The following CCDC91 variants were observed in gnomAD, a reference collection of about 807,000 sequenced individuals.
The protein encoded by CCDC91 is coiled-coil domain-containing protein 91.
In CCDC91, 48 loss-of-function variants were observed where a neutral mutation model predicts 63.2. The observed-to-expected ratio is 0.76, with a 90% confidence interval of 0.60 to 0.97. The LOEUF is 0.97. Among genes scored for constraint, CCDC91 ranks in the 50% least tolerant of loss-of-function variants. The pLI, the probability that CCDC91 is intolerant of heterozygous loss-of-function variation, is 0.00. For missense variants in CCDC91, 500 were observed against 494.6 expected, an observed-to-expected ratio of 1.01 and a Z score of -0.10; for synonymous variants, 167 against 165.8, an observed-to-expected ratio of 1.01 and a Z score of -0.06.
At chr12:28,241,685 G>A (rs1009498676) in intron 1 of CCDC91, among the ~76,000 whole-genome samples, 1 of 152,068 alleles carries the variant, frequency 6.6e-6, no homozygotes, top group African/African-American at 2.4e-5. Flanking sequence ...GTTACTAGAA[G>A]AGGAATTTCT....
intron 1 of CCDC91, among the ~76,000 whole-genome samples, chr12:28,205,706 G>T (rs1303833308): frequency 2.0e-5 from 3 of 152,164 alleles, no homozygotes; most frequent in Admixed American, 6.5e-5. Context: ...TGTATGAATG[G>T]TTGAAGTCTT....
chr12:28,335,666 C>G (rs1941920258), intron 6 of CCDC91, among the ~76,000 whole-genome samples: 1 of 151,744 alleles, frequency 6.6e-6, no homozygotes, highest in South Asian at 2.1e-4. Context: ...TTTGGCCTCT[C>G]AAAGTACTGG....
chr12:28,388,300 G>A (rs1432872328), intron 7 of CCDC91, among the ~76,000 whole-genome samples: 2 of 152,052 alleles, frequency 1.3e-5, no homozygotes, highest in Admixed American at 6.6e-5. Flanking sequence ...CATCCAAATT[G>A]GTAAAGAGAA....
chr12:28,373,612 A>G (rs966581397), intron 7 of CCDC91, among the ~76,000 whole-genome samples: 1 of 25,842 alleles, frequency 3.9e-5, no homozygotes, highest in African/African-American at 4.5e-5. Flanking sequence ...AAGTTTCTAT[A>G]CATTTTTTTT....
intron 12 of CCDC91, among the ~76,000 whole-genome samples, chr12:28,511,791 T>C (rs943856894): frequency 2.0e-5 from 3 of 151,898 alleles, no homozygotes; most frequent in African/African-American, 7.2e-5. Flanking sequence ...ATGTGGTCCT[T>C]TGCTGTCATT....
chr12:28,217,414 A>G (rs1943635890), intron 1 of CCDC91, among the ~76,000 whole-genome samples: 1 of 152,156 alleles, frequency 6.6e-6, no homozygotes, highest in Non-Finnish European at 1.5e-5. Flanking sequence ...AGCAATTTTG[A>G]ACTGACTGCT....
intron 3 of CCDC91, among the ~76,000 whole-genome samples, chr12:28,292,603 T>C (rs1470478010): frequency 2.6e-5 from 4 of 152,028 alleles, no homozygotes; most frequent in African/African-American, 9.7e-5. Context: ...GCTCTAAGTA[T>C]ATGTTGGTGT....
In CCDC91 at chr12:28,362,435, C is replaced by G. The variant is rs774330880; in HGVS notation, c.577-3C>G. 7.0e-6 allele frequency: 11 copies of G among 1,560,608 alleles called. No homozygotes were observed. The Admixed American group carries it at 2.1e-4, about 30-fold the overall frequency. On this transcript the variant is annotated splice_polypyrimidine_tract_variant and splice_region_variant and intron_variant, in intron 6 of 12. Transcript: ENST00000536442. ...CATGGTTTTAGTTTCTTTTTTCTTT[C>G]AGGAAAAACATAAACAAGAATTGGA...
chr12:28,383,961 G>A (rs992913261), intron 7 of CCDC91, among the ~76,000 whole-genome samples: 1 of 151,972 alleles, frequency 6.6e-6, no homozygotes, highest in African/African-American at 2.4e-5. Context: ...TGAATTATAG[G>A]CAAACAAAGC....
chr12:28,463,438 G>A (rs1950403464), intron 11 of CCDC91, among the ~76,000 whole-genome samples: 1 of 152,182 alleles, frequency 6.6e-6, no homozygotes, highest in African/African-American at 2.4e-5. Flanking sequence ...TATTTTTTAT[G>A]GAAGATGAAC....
chr12:28,512,885 G>A (rs1456104844), intron 12 of CCDC91, among the ~76,000 whole-genome samples: 1 of 151,920 alleles, frequency 6.6e-6, no homozygotes, highest in Non-Finnish European at 1.5e-5. Flanking sequence ...GAACTGATTA[G>A]TTAAGTATGT....
At chr12:28,523,595 G>A (rs1004335765) in intron 12 of CCDC91, among the ~76,000 whole-genome samples, 3 of 152,092 alleles carry the variant, frequency 2.0e-5, no homozygotes, top group Non-Finnish European at 4.4e-5. Flanking sequence ...ATATTGTTAT[G>A]TGTGAATTTC....
intron 7 of CCDC91, among the ~76,000 whole-genome samples, chr12:28,366,057 T>C (rs1156576719): frequency 6.6e-6 from 1 of 151,824 alleles, no homozygotes; most frequent in African/African-American, 2.4e-5. Flanking sequence ...AAGCCTAAAA[T>C]GTAATGCATA....
chr12:28,332,823 A>G (rs1311758731), intron 6 of CCDC91, among the ~76,000 whole-genome samples: 1 of 151,436 alleles, frequency 6.6e-6, no homozygotes, highest in African/African-American at 2.4e-5. Flanking sequence ...GCTGTAACTC[A>G]TGCCTGAGGG....
chr12:28,408,956 C>G (rs1450125802), intron 8 of CCDC91, among the ~76,000 whole-genome samples: 2 of 151,998 alleles, frequency 1.3e-5, no homozygotes, highest in Non-Finnish European at 2.9e-5. Flanking sequence ...ATCTTATATT[C>G]TGTAATTATC....
At chr12:28,304,461 A>G (rs1455074082) in intron 3 of CCDC91, among the ~76,000 whole-genome samples, 1 of 151,216 alleles carries the variant, frequency 6.6e-6, no homozygotes, top group Admixed American at 6.6e-5. Context: ...TATTAATTAT[A>G]TAGTATGGCA....
chr12:28,265,582 C>T (rs1216396707), intron 3 of CCDC91, among the ~76,000 whole-genome samples: 1 of 151,898 alleles, frequency 6.6e-6, no homozygotes, highest in Admixed American at 6.6e-5. Context: ...AAACCTAGGA[C>T]AACAGATCGG....
chr12:28,326,933 G>T (rs901547465), intron 6 of CCDC91, among the ~76,000 whole-genome samples: 3 of 152,014 alleles, frequency 2.0e-5, no homozygotes, highest in Non-Finnish European at 1.5e-5. Flanking sequence ...GCAGGAGGTT[G>T]GCTCACAAAT....
chr12:28,411,055 A>G (rs894623736), intron 8 of CCDC91, among the ~76,000 whole-genome samples: 6 of 152,152 alleles, frequency 3.9e-5, no homozygotes, highest in African/African-American at 1.4e-4. Flanking sequence ...GAGGTTAAAT[A>G]ATTAAATGAA....
Sources: gnomAD v4.1 joint callset for allele counts (sites outside exome capture counted in the v4.1 genomes callset) on GRCh38, gnomAD v4.1.1 for gene constraint, MANE v1.5 for transcripts, NCBI Gene and HGNC (gene_info 2026-07-23, HGNC 2026-07-21) for gene names.